CDK7: variants seen among roughly 807,000 people sequenced by gnomAD.
CDK7 encodes the protein cyclin dependent kinase 7.
Under a neutral mutation model 49.1 loss-of-function variants are expected in CDK7, and 25 were observed. The observed-to-expected ratio is 0.51, with a 90% CI of 0.37 to 0.71. CDK7 has a LOEUF of 0.71. CDK7 is among the 30% of genes least tolerant of loss of function. CDK7 has a pLI of 0.00. For synonymous variants in CDK7, 107 were observed against 140.0 expected, an observed-to-expected ratio of 0.76 and a Z score of 1.67; for missense variants, 316 against 411.7, an observed-to-expected ratio of 0.77 and a Z score of 2.01.
chr5:69,234,974 G>T lies in CDK7; in HGVS notation c.-2G>T, dbSNP rs1312151383. The T allele has an allele frequency of 1.3e-6, 2 of 1,593,546 alleles. No homozygotes were observed. Among genetic ancestry groups the T allele is most frequent in the Non-Finnish European group, 1.7e-6 (2 of 1,170,360 alleles). On this transcript the variant is annotated 5_prime_UTR_variant, in exon 1 of 12. Coordinates refer to ENST00000256443, the MANE Select transcript of CDK7 (RefSeq NM_001799.4). Reference sequence around the variant, plus strand: ...GGCTGGAGTCGGGCTTTACGGCGCCGGATGGCTCTGGACGTGAAGTCTCGG... The same window carrying T: ...GGCTGGAGTCGGGCTTTACGGCGCCTGATGGCTCTGGACGTGAAGTCTCGG...
chr5:69,239,846 T>C (rs1425583388), intron 2 of CDK7, among the ~76,000 whole-genome samples: 5 of 152,058 alleles, frequency 3.3e-5, no homozygotes, highest in African/African-American at 1.2e-4. Flanking sequence ...CAACAAGTTT[T>C]TCCTTTGTTG....
rs924205455 is a variant in CDK7, at chr5:69,255,342, C to T, written c.229-118C>T. On this transcript the variant is annotated intron_variant, in intron 4 of 11. Transcript: ENST00000256443. ...GTCAAATTTAATCAAATGATTTAAG[C>T]TTTATAGGGAATTACCAACAGTTTA... 2.4e-4 allele frequency: 142 copies of T among 595,226 alleles called. No homozygotes were observed. In the Middle Eastern group the frequency reaches 3.8e-3, roughly 16 times the overall value. The allele number at this position is 595,226 out of a possible 1,614,324, so 36.9% of individuals were successfully genotyped here.
At chr5:69,242,652 C>G (rs2130756) in intron 2 of CDK7, among the ~76,000 whole-genome samples, 42,535 of 152,010 alleles carry the variant, frequency 0.28, 6,544 homozygotes, top group East Asian at 0.4. Context: ...TGGGAAAGGA[C>G]TGTTAATCAT....
At chr5:69,252,309 T>G in intron 2 of CDK7, 109 bp from the exon 3 acceptor site, 1 of 726,458 alleles carries the variant, frequency 1.4e-6, no homozygotes, top group Non-Finnish European at 2.4e-6. Context: ...TGGTTGCTAA[T>G]TGTTTTTTTT....
rs746571985 is a variant in CDK7, at chr5:69,234,957, T to C, written c.-19T>C. The C allele has an allele frequency of 6.3e-7, 1 of 1,584,052 alleles. No homozygotes were observed. The highest frequency in any genetic ancestry group is 8.6e-7 in the Non-Finnish European group (1 of 1,165,254). ...GGGAGCTCGCCCTTTTCGGCTGGAG[T>C]CGGGCTTTACGGCGCCGGATGGCTC... On this transcript the variant is annotated 5_prime_UTR_variant, in exon 1 of 12. Coordinates refer to ENST00000256443, the MANE Select transcript of CDK7 (RefSeq NM_001799.4).
intron 8 of CDK7, among the ~76,000 whole-genome samples, chr5:69,263,087 G>A (rs1263728243): frequency 1.3e-5 from 2 of 152,178 alleles, no homozygotes; most frequent in African/African-American, 4.8e-5. Context: ...GCATTTCTGT[G>A]ACTGAGACCA....
At chr5:69,264,969 C>G in intron 8 of CDK7, among the ~76,000 whole-genome samples, 1 of 138,550 alleles carries the variant, frequency 7.2e-6, no homozygotes, top group South Asian at 2.3e-4. Flanking sequence ...GAAATTCCGT[C>G]TAAAAAAAAA....
intron 8 of CDK7, among the ~76,000 whole-genome samples, chr5:69,266,028 A>C (rs1262922159): frequency 2.0e-5 from 3 of 152,158 alleles, no homozygotes; most frequent in African/African-American, 7.2e-5. Flanking sequence ...TCAAGGCTGC[A>C]GTGAGCCACG....
At chr5:69,254,768 G>A (rs1750380545) in intron 4 of CDK7, 99 bp downstream of exon 4, 3 of 702,936 alleles carry the variant, frequency 4.3e-6, no homozygotes, top group Non-Finnish European at 7.7e-6. Context: ...TGTTCTGGAT[G>A]AGCCTTGTAG....
intron 2 of CDK7, among the ~76,000 whole-genome samples, chr5:69,245,865 C>G (rs186206402): frequency 7.9e-5 from 12 of 152,250 alleles, no homozygotes; most frequent in Admixed American, 4.6e-4. Flanking sequence ...CACTAATTAT[C>G]CTTTGGATTT....
chr5:69,246,898 C>A (rs1251961349), intron 2 of CDK7, among the ~76,000 whole-genome samples: 1 of 152,118 alleles, frequency 6.6e-6, no homozygotes, highest in Non-Finnish European at 1.5e-5. Flanking sequence ...TCGTGTATTA[C>A]ATAGTTTCCA....
intron 8 of CDK7, among the ~76,000 whole-genome samples, chr5:69,268,571 G>A (rs1440521218): frequency 6.6e-6 from 1 of 152,164 alleles, no homozygotes; most frequent in Non-Finnish European, 1.5e-5. Context: ...CCACTTTGAA[G>A]GCCAGGCATG....
At chr5:69,270,672 G>A (rs144991781) in intron 9 of CDK7, among the ~76,000 whole-genome samples, 103 of 152,234 alleles carry the variant, frequency 6.8e-4, no homozygotes, top group African/African-American at 2.4e-3. Flanking sequence ...CTCCAGCTCT[G>A]TAATTTTGTC....
chr5:69,240,543 T>G (rs1056391461), intron 2 of CDK7, among the ~76,000 whole-genome samples: 1 of 152,226 alleles, frequency 6.6e-6, no homozygotes, highest in Non-Finnish European at 1.5e-5. Context: ...CACTGTTGAA[T>G]CTGGGTGATG....
At chr5:69,271,809 T>G (rs1751576918) in intron 9 of CDK7, among the ~76,000 whole-genome samples, 2 of 152,112 alleles carry the variant, frequency 1.3e-5, no homozygotes, top group Admixed American at 1.3e-4. Flanking sequence ...ACTATGCCCT[T>G]GGCTGTGACA....
intron 2 of CDK7, among the ~76,000 whole-genome samples, chr5:69,248,006 T>C (rs1418864689): frequency 6.6e-6 from 1 of 152,194 alleles, no homozygotes; most frequent in African/African-American, 2.4e-5. Context: ...ATATTATGTG[T>C]TTTTCTGTGT....
chr5:69,271,593 C>T (rs2150232038), intron 9 of CDK7, among the ~76,000 whole-genome samples: 1 of 150,042 alleles, frequency 6.7e-6, no homozygotes, highest in East Asian at 2.0e-4. Flanking sequence ...CTCACTGCAA[C>T]TTCCACTTCC....
chr5:69,254,537 A>G (rs1580302170), intron 3 of CDK7, 65 bp from the exon 4 acceptor site: 3 of 810,780 alleles, frequency 3.7e-6, no homozygotes, highest in African/African-American at 1.7e-5. Flanking sequence ...AAAAAAAAAA[A>G]AAGAAGTGTT....
intron 7 of CDK7, among the ~76,000 whole-genome samples, chr5:69,260,627 C>T (rs182852106): frequency 3.9e-5 from 6 of 152,108 alleles, no homozygotes; most frequent in African/African-American, 1.2e-4. Flanking sequence ...TGAAAATTCT[C>T]TAAACAGAGC....
Sources: gnomAD v4.1 joint callset for allele counts (sites outside exome capture counted in the v4.1 genomes callset) on GRCh38, gnomAD v4.1.1 for gene constraint, MANE v1.5 for transcripts, NCBI Gene and HGNC (gene_info 2026-07-23, HGNC 2026-07-21) for gene names.